Variants in SMG5 observed in about 807,000 individuals in gnomAD.
SMG5 encodes SMG5 nonsense mediated mRNA decay factor.
Under a neutral mutation model 122.9 loss-of-function variants are expected in SMG5, and 53 were observed. That is an observed-to-expected ratio of 0.43 (90% confidence interval 0.35 to 0.54). The LOEUF (loss-of-function observed/expected upper bound fraction) is 0.54. Among genes scored for constraint, SMG5 ranks in the 20% least tolerant of loss-of-function variants. The pLI, the probability that SMG5 is intolerant of heterozygous loss-of-function variation, is 0.01. For synonymous variants in SMG5, 477 were observed against 490.2 expected (o/e 0.97, Z 0.35); for missense variants, 1,153 against 1,285.6 (o/e 0.90, Z 1.58).
At chr1:156,276,990 C>T (rs1290230518) in intron 4 of SMG5, 95 bp downstream of exon 4, 12 of 1,285,416 alleles carry the variant, frequency 9.3e-6, no homozygotes, top group Non-Finnish European at 1.1e-5. Flanking sequence ...ACTCTCTCTG[C>T]CTGGCTGGGT....
chr1:156,254,640 C>T (rs905514244), intron 16 of SMG5, among the ~76,000 whole-genome samples: 1 of 152,094 alleles, frequency 6.6e-6, no homozygotes, highest in Non-Finnish European at 1.5e-5. Flanking sequence ...GACTGGGTTT[C>T]ACCATATTGC....
intron 4 of SMG5, among the ~76,000 whole-genome samples, chr1:156,275,742 G>A (rs1328863402): frequency 6.6e-6 from 1 of 151,726 alleles, no homozygotes; most frequent in Non-Finnish European, 1.5e-5. Flanking sequence ...TTTTAAAGCT[G>A]TGGACCCCTC....
intron 4 of SMG5, among the ~76,000 whole-genome samples, chr1:156,276,276 G>A (rs187151208): frequency 2.0e-5 from 3 of 151,442 alleles, no homozygotes; most frequent in Non-Finnish European, 4.4e-5. Context: ...ATAGGTGCAC[G>A]CCACCATGCC....
chr1:156,268,328 C>T lies in SMG5; in HGVS notation c.801G>A (p.Lys267=), dbSNP rs1558240777. Residue 267 remains lysine (K), a synonymous_variant, in exon 8 of 22, where the codon AAG becomes AAA. Transcript: ENST00000361813. ...GAGACAGTTTCCGAGTCTCACACTT[C>T]TTCAGTTGGTGGTACATTTTGGCTG... ...DKAAKMYHQL[K]KCETRKLSPG... is the part of the protein sequence containing the mutation. The T allele has an allele frequency of 2.5e-6, 4 of 1,614,074 alleles. No homozygotes were observed. Among genetic ancestry groups the T allele is most frequent in the Non-Finnish European group, 2.5e-6 (3 of 1,180,046 alleles).
Position 156,279,012 on chromosome 1 carries a change from G to T in SMG5, c.97C>A (p.Arg33=). ...LYRAVVEAVH[R]LDLILCNKTA... ...TTGTTGCAAAGGATGAGGTCAAGTCGATGCACAGCCTCCACCACAGCCCTG... is the reference window on the plus strand; with the variant it reads ...TTGTTGCAAAGGATGAGGTCAAGTCTATGCACAGCCTCCACCACAGCCCTG... Residue 33 remains arginine, a synonymous_variant, in exon 2 of 22, where the codon CGA becomes AGA. Coordinates refer to ENST00000361813, the MANE Select transcript of SMG5 (RefSeq NM_015327.3). The T allele has an allele frequency of 1.2e-6, 2 of 1,614,140 alleles. No homozygotes were observed. Among genetic ancestry groups the T allele is most frequent in the Non-Finnish European group, 1.7e-6 (2 of 1,180,020 alleles).
chr1:156,263,248 C>G (rs1558236955), intron 13 of SMG5, 147 bp downstream of exon 13: 3 of 897,900 alleles, frequency 3.3e-6, no homozygotes, highest in Non-Finnish European at 5.1e-6. Context: ...CCTGTCAGAG[C>G]ATAAGGGCCC....
At position 156,266,091 on chromosome 1, in the gene SMG5, T is replaced by G. The variant is rs1421544428; in HGVS notation, c.1545A>C (p.Glu515Asp). Residue 515 changes from glutamate to aspartate, a missense_variant, in exon 12 of 22, where the codon GAA (glutamate) becomes GAC (aspartate). Around this residue, in one of 5 missense-constraint regions of SMG5, gnomAD observed 631 missense variants for 650.6 expected, o/e 0.97. Coordinates refer to ENST00000361813, the MANE Select transcript of SMG5 (RefSeq NM_015327.3). The part of the protein sequence containing the change: ...GTAFDAETDS[E>D]MNSQESRSDL... ...CTGATCGGGACTCCTGGCTATTCATTTCCGAGTCTGTTTCAGCATCAAAGG... is the reference window on the plus strand; with the variant it reads ...CTGATCGGGACTCCTGGCTATTCATGTCCGAGTCTGTTTCAGCATCAAAGG... 1 of 1,614,190 alleles carries G rather than the reference T, an allele frequency of 6.2e-7. No homozygotes were observed. The highest frequency in any genetic ancestry group is 1.3e-5 in the African/African-American group (1 of 75,054).
At chr1:156,253,602 T>C in intron 16 of SMG5, 94 bp from the exon 17 acceptor site, 1 of 1,138,904 alleles carries the variant, frequency 8.8e-7, no homozygotes, top group Non-Finnish European at 1.3e-6. Context: ...GGTCTCAGTG[T>C]GACCTCATGC....
intron 7 of SMG5, among the ~76,000 whole-genome samples, chr1:156,269,444 C>T (rs1044757554): frequency 3.9e-5 from 6 of 152,174 alleles, no homozygotes; most frequent in African/African-American, 1.4e-4. Context: ...CAAACACACA[C>T]AGCCAGGTGC....
intron 16 of SMG5, among the ~76,000 whole-genome samples, chr1:156,255,016 G>A (rs1018607072): frequency 2.6e-5 from 4 of 151,748 alleles, no homozygotes; most frequent in Admixed American, 2.6e-4. Flanking sequence ...GCTTGAACCT[G>A]GACAGCAAAG....
chr1:156,286,150 C>T (rs1444691164), upstream of SMG5: 2 of 1,367,260 alleles, frequency 1.5e-6, no homozygotes, highest in East Asian at 4.6e-5. Flanking sequence ...ACCTCCACCC[C>T]ACTGTGTAGA....
intron 7 of SMG5, among the ~76,000 whole-genome samples, chr1:156,271,686 G>T (rs1662442529): frequency 1.4e-5 from 2 of 145,568 alleles, no homozygotes; most frequent in Non-Finnish European, 1.5e-5. Flanking sequence ...TGATTCTCCT[G>T]CGTTCAAGTG....
chr1:156,257,814 T>C (rs1466827388), intron 16 of SMG5, among the ~76,000 whole-genome samples: 1 of 151,632 alleles, frequency 6.6e-6, no homozygotes, highest in East Asian at 1.9e-4. Flanking sequence ...AAAGGAAGAA[T>C]GTGGAGGAGG....
In SMG5 at chr1:156,252,919, C is replaced by G. The variant is rs180887663; in HGVS notation, c.2662G>C (p.Val888Leu). Residue 888 changes from valine (V) to leucine (L), a missense_variant and splice_region_variant, in exon 18 of 22, where the codon GTG becomes CTG. By Grantham distance (32) the Val-to-Leu change is conservative (BLOSUM62 1). Coordinates refer to ENST00000361813, the MANE Select transcript of SMG5 (RefSeq NM_015327.3). ...GRFIVIIPRT[V>L]IDGLDLLKKE... ...CTCCTTACCTCTCCAATGTACTTACCTGTCCTTGGGATGATGACAATGAAG... is the reference window on the plus strand; with the variant it reads ...CTCCTTACCTCTCCAATGTACTTACGTGTCCTTGGGATGATGACAATGAAG... 17 of 1,598,804 alleles carry G rather than the reference C, an allele frequency of 1.1e-5. No homozygotes were observed. In the East Asian group the frequency reaches 3.8e-4, roughly 36 times the overall value.
chr1:156,285,147 A>G, upstream of SMG5: 4 of 1,486,114 alleles, frequency 2.7e-6, no homozygotes, highest in Non-Finnish European at 3.6e-6. Context: ...ACTAGAAGAC[A>G]GGGGTTTCTG....
At chr1:156,288,348 T>G in the SMG5 span, among the ~76,000 whole-genome samples, 1 of 151,632 alleles carries the variant, frequency 6.6e-6, no homozygotes, top group African/African-American at 2.4e-5. Context: ...TTCTTTTTTT[T>G]TTTTTGAGAT....
intron 1 of SMG5, among the ~76,000 whole-genome samples, chr1:156,279,605 TAAATG>T (rs925322014): frequency 1.3e-5 from 2 of 152,168 alleles, no homozygotes; most frequent in African/African-American, 4.8e-5. Flanking sequence ...TTGTGAGGAT[TAAATG>T]AAATAATAAT....
intron 7 of SMG5, among the ~76,000 whole-genome samples, chr1:156,269,737 T>C (rs1178806146): frequency 6.6e-6 from 1 of 152,064 alleles, no homozygotes; most frequent in African/African-American, 2.4e-5. Flanking sequence ...TAGCCGGGCG[T>C]GTTGGCAGGC....
At chr1:156,275,796 T>C (rs151089104) in intron 4 of SMG5, among the ~76,000 whole-genome samples, 2 of 151,772 alleles carry the variant, frequency 1.3e-5, no homozygotes, top group South Asian at 2.1e-4. Flanking sequence ...AATAATCTTG[T>C]CTTTTAGATA....
Sources: gnomAD v4.1 joint callset for allele counts (sites outside exome capture counted in the v4.1 genomes callset) on GRCh38, gnomAD v4.1.1 for gene constraint, gnomAD v4.1.1 regional missense constraint, MANE v1.5 for transcripts, NCBI Gene and HGNC (gene_info 2026-07-23, HGNC 2026-07-21) for gene names.